Variants in SRPK2 observed in about 807,000 individuals in gnomAD.
SRPK2 encodes SFRS protein kinase 2.
In SRPK2, 21 loss-of-function variants were observed where a neutral mutation model predicts 90.8. The ratio of observed to expected loss-of-function variants is 0.23; its 90% CI spans 0.16 to 0.33. The LOEUF is 0.33. Among genes scored for constraint, SRPK2 ranks in the 10% least tolerant of loss-of-function variants. SRPK2 has a pLI of 1.00. For synonymous variants in SRPK2, 288 were observed against 311.1 expected, an observed-to-expected ratio of 0.93 and a Z score of 0.78; for missense variants, 620 against 869.0, an observed-to-expected ratio of 0.71 and a Z score of 3.60.
intron 2 of SRPK2, among the ~76,000 whole-genome samples, chr7:105,359,472 T>C (rs758038187): frequency 5.3e-5 from 8 of 152,136 alleles, no homozygotes; most frequent in Non-Finnish European, 7.3e-5. Flanking sequence ...GCACTATTTA[T>C]TAAGTGGATC....
intron 9 of SRPK2, chr7:105,143,741 G>GT: frequency 5.2e-6 from 1 of 192,118 alleles, no homozygotes. Flanking sequence ...CCGAGCAGGT[G>GT]TATGTCACTG....
chr7:105,271,408 CTTCAGATTTG>C (rs1805812013), intron 2 of SRPK2, among the ~76,000 whole-genome samples: 1 of 152,128 alleles, frequency 6.6e-6, no homozygotes, highest in Non-Finnish European at 1.5e-5. Flanking sequence ...ATCTCTAAAC[CTTCAGATTTG>C]TTCATCGCTC....
rs572520966 is a variant in SRPK2, at chr7:105,122,628, A to G, written c.1915+3620T>C. On this transcript the variant is annotated intron_variant, in intron 15 of 15. Transcript: ENST00000393651. ...CTCAGACACTAAATATTAAAAATAC[A>G]GAATACAGTATCTCTTTTTAAAACT... Among the ~76,000 whole-genome samples, 9 of 152,352 alleles carry G rather than the reference A, an allele frequency of 5.9e-5. No homozygotes were observed. In the South Asian group the frequency reaches 1.9e-3, roughly 32 times the overall value.
At chr7:105,157,108 G>A (rs1303363844) in intron 7 of SRPK2, among the ~76,000 whole-genome samples, 1 of 152,164 alleles carries the variant, frequency 6.6e-6, no homozygotes, top group African/African-American at 2.4e-5. Context: ...AGAGAGCCAA[G>A]AAAAGCCTGT....
chr7:105,346,182 G>A (rs1466258449), intron 2 of SRPK2, among the ~76,000 whole-genome samples: 1 of 152,106 alleles, frequency 6.6e-6, no homozygotes, highest in Non-Finnish European at 1.5e-5. Flanking sequence ...CTTTACCAAG[G>A]TTTTAAAGTT....
At chr7:105,380,145 T>A (rs1193262205) in intron 2 of SRPK2, among the ~76,000 whole-genome samples, 2 of 152,204 alleles carry the variant, frequency 1.3e-5, no homozygotes, top group South Asian at 4.1e-4. Context: ...TGATGTTTTA[T>A]CCTTAAGAGG....
chr7:105,133,580 TC>T (rs1802350081), intron 11 of SRPK2, among the ~76,000 whole-genome samples: 1 of 152,096 alleles, frequency 6.6e-6, no homozygotes, highest in Non-Finnish European at 1.5e-5. Context: ...GACATCAGGG[TC>T]CCTGGCACCG....
At chr7:105,230,680 C>T (rs1799314752) in intron 2 of SRPK2, among the ~76,000 whole-genome samples, 2 of 152,184 alleles carry the variant, frequency 1.3e-5, no homozygotes, top group Admixed American at 1.3e-4. Context: ...GAAATGGACA[C>T]TCACATGTTG....
intron 7 of SRPK2, among the ~76,000 whole-genome samples, chr7:105,154,629 T>G (rs1180689038): frequency 6.6e-6 from 1 of 151,990 alleles, no homozygotes; most frequent in Admixed American, 6.6e-5. Flanking sequence ...GTTTTAAAGG[T>G]CTCATCTGGT....
intron 3 of SRPK2, among the ~76,000 whole-genome samples, chr7:105,173,030 A>C (rs1459964341): frequency 2.0e-5 from 3 of 152,202 alleles, no homozygotes; most frequent in Non-Finnish European, 4.4e-5. Flanking sequence ...AACAACAACA[A>C]AATTACTACT....
At chr7:105,351,081 G>C (rs1197158124) in intron 2 of SRPK2, among the ~76,000 whole-genome samples, 6 of 152,116 alleles carry the variant, frequency 3.9e-5, no homozygotes, top group Non-Finnish European at 7.3e-5. Flanking sequence ...TGTCATGACG[G>C]TTCTGCCCTC....
intron 2 of SRPK2, among the ~76,000 whole-genome samples, chr7:105,271,188 C>G (rs1805783074): frequency 6.6e-6 from 1 of 152,176 alleles, no homozygotes; most frequent in South Asian, 2.1e-4. Flanking sequence ...AAAAAGTTCA[C>G]ACTTCAGTAT....
chr7:105,375,137 TATA>T (rs1398415662), intron 2 of SRPK2, among the ~76,000 whole-genome samples: 2 of 152,306 alleles, frequency 1.3e-5, no homozygotes, highest in East Asian at 1.9e-4. Context: ...AGATATGGCA[TATA>T]ATATTTTTAA....
At chr7:105,262,374 T>C (rs1419695758) in intron 2 of SRPK2, among the ~76,000 whole-genome samples, 1 of 152,138 alleles carries the variant, frequency 6.6e-6, no homozygotes, top group Non-Finnish European at 1.5e-5. Flanking sequence ...TGGACAGACC[T>C]AAGGTGGCCT....
intron 2 of SRPK2, among the ~76,000 whole-genome samples, chr7:105,330,367 A>T (rs1278647154): frequency 6.6e-6 from 1 of 151,310 alleles, no homozygotes; most frequent in African/African-American, 2.4e-5. Flanking sequence ...AAATAAAATA[A>T]AATATAAAAA....
intron 2 of SRPK2, among the ~76,000 whole-genome samples, chr7:105,277,467 T>C (rs1806676188): frequency 6.6e-6 from 1 of 152,230 alleles, no homozygotes; most frequent in Non-Finnish European, 1.5e-5. Flanking sequence ...TACTGCTATC[T>C]GAAGCCAAGT....
intron 2 of SRPK2, among the ~76,000 whole-genome samples, chr7:105,259,248 C>G (rs999204392): frequency 1.3e-5 from 2 of 152,150 alleles, no homozygotes; most frequent in Non-Finnish European, 2.9e-5. Flanking sequence ...CAATAACAAA[C>G]AGAGAGCCAA....
intron 15 of SRPK2, chr7:105,126,015 C>T (rs770012466): frequency 1.1e-4 from 75 of 653,106 alleles, no homozygotes; most frequent in Non-Finnish European, 1.8e-4. Context: ...CCTCGCGTTG[C>T]TGGATTCAGG....
At chr7:105,134,375 T>C (rs889219783) in intron 11 of SRPK2, among the ~76,000 whole-genome samples, 6 of 152,212 alleles carry the variant, frequency 3.9e-5, no homozygotes, top group African/African-American at 2.4e-5. Context: ...CCATGTAAGA[T>C]GCCTGCTTCC....
Sources: allele counts gnomAD v4.1 joint callset (sites outside exome capture counted in the v4.1 genomes callset), GRCh38; gene constraint gnomAD v4.1.1; transcripts MANE v1.5; gene names NCBI Gene and HGNC (gene_info 2026-07-23, HGNC 2026-07-21).